The following DNAJC13 variants were observed in gnomAD, a reference collection of about 807,000 sequenced individuals.
DNAJC13 encodes DnaJ heat shock protein family (Hsp40) member C13, also known as dnaJ homolog subfamily C member 13.
Under a neutral mutation model 290.5 loss-of-function variants are expected in DNAJC13, and 75 were observed. The ratio of observed to expected loss-of-function variants is 0.26; its 90% CI spans 0.21 to 0.31. The LOEUF (loss-of-function observed/expected upper bound fraction) is 0.31. Ranked by LOEUF, DNAJC13 falls within the 10% of genes least tolerant of loss-of-function variation. The pLI is 1.00. For synonymous variants in DNAJC13, 862 were observed against 892.0 expected (o/e 0.97, Z 0.60); for missense variants, 2,260 against 2,674.5 (o/e 0.85, Z 3.42).
intron 48 of DNAJC13, among the ~76,000 whole-genome samples, chr3:132,521,063 G>T (rs936165): frequency 0.49 from 74,907 of 151,944 alleles, 21,910 homozygotes; most frequent in African/African-American, 0.8. Context: ...TGATTCTTAT[G>T]AGACAGCTAA....
intron 2 of DNAJC13, 106 bp downstream of exon 2, chr3:132,434,724 C>T (rs1939335281): frequency 1.3e-6 from 1 of 750,190 alleles, no homozygotes; most frequent in Non-Finnish European, 2.0e-6. Flanking sequence ...GCTATACAGC[C>T]CTTCTCTTCT....
chr3:132,462,389 T>C, intron 15 of DNAJC13, 78 bp from the exon 16 acceptor site: 1 of 1,380,968 alleles, frequency 7.2e-7, no homozygotes, highest in Non-Finnish European at 1.0e-6. Context: ...ATGTATACCC[T>C]TCTTAAGAGT....
chr3:132,492,070 C>G (rs16839309), intron 32 of DNAJC13, among the ~76,000 whole-genome samples: 1 of 151,994 alleles, frequency 6.6e-6, no homozygotes, highest in Non-Finnish European at 1.5e-5. Context: ...TACCATCTAG[C>G]GAGCTTCTTT....
chr3:132,430,250 T>G (rs1036431444), intron 1 of DNAJC13, among the ~76,000 whole-genome samples: 1 of 152,164 alleles, frequency 6.6e-6, no homozygotes, highest in African/African-American at 2.4e-5. Context: ...AAAAGGTCTG[T>G]TGGAGTTCTA....
At chr3:132,496,318 A>G (rs78228529) in intron 35 of DNAJC13, among the ~76,000 whole-genome samples, 1 of 152,154 alleles carries the variant, frequency 6.6e-6, no homozygotes, top group Non-Finnish European at 1.5e-5. Context: ...AAGAATTTTC[A>G]GTAAATGGTA....
At position 132,463,553 on chromosome 3, in the gene DNAJC13, T is replaced by G. The variant is rs182005344; in HGVS notation, c.1771-143T>G. Reference sequence around the variant, plus strand: ...GTGCTACTACTCACCTATTTTTTTTTGGGTGATTAGAAGATGCATTTTAAA... The same window carrying G: ...GTGCTACTACTCACCTATTTTTTTTGGGGTGATTAGAAGATGCATTTTAAA... On this transcript the variant is annotated intron_variant, in intron 16 of 55. Coordinates refer to ENST00000260818, the MANE Select transcript of DNAJC13 (RefSeq NM_015268.4). The G allele has an allele frequency of 3.8e-3, 3,241 of 849,320 alleles. 12 individuals carry two copies. The highest frequency in any genetic ancestry group is 5.5e-3 in the Admixed American group (169 of 30,716). 52.6% of individuals were successfully genotyped at this position (849,320 alleles called of 1,614,324 possible). A position where few individuals can be genotyped will look rare whatever the true frequency, so the allele number is the denominator to read the frequency against.
intron 55 of DNAJC13, among the ~76,000 whole-genome samples, 167 bp from the exon 56 acceptor site, chr3:132,538,009 T>C (rs1576531587): frequency 6.6e-6 from 1 of 152,336 alleles, no homozygotes; most frequent in Non-Finnish European, 1.5e-5. Context: ...AACATGAAAA[T>C]AGTACTATGT....
In DNAJC13 at chr3:132,538,232, C is replaced by T. The variant is rs1227499230; in HGVS notation, c.6682C>T (p.Leu2228=). 1 of 1,613,818 alleles carries T rather than the reference C, an allele frequency of 6.2e-7. No individual in the cohort carries two copies. The highest frequency in any genetic ancestry group is 1.3e-5 in the African/African-American group (1 of 74,912). The change falls in exon 56 of 56, where the codon CTG becomes TTG. Residue 2228 remains leucine, a synonymous_variant. Coordinates refer to ENST00000260818, the MANE Select transcript of DNAJC13 (RefSeq NM_015268.4). ...TACATCTACATCAGTCATGTCTAAC[C>T]TGCCACCTCCTGTAGACCATGAGGC... The part of the protein sequence containing the change: ...AGTSTSVMSN[L]PPPVDHEAGD...
At chr3:132,467,485 A>T in intron 20 of DNAJC13, 172 bp downstream of exon 20, 1 of 609,362 alleles carries the variant, frequency 1.6e-6, no homozygotes, top group African/African-American at 1.9e-5. Context: ...ATTTATTTTG[A>T]GACAGAGCCT....
At chr3:132,438,851 T>G (rs1393505571) in intron 2 of DNAJC13, among the ~76,000 whole-genome samples, 1 of 152,152 alleles carries the variant, frequency 6.6e-6, no homozygotes, top group Non-Finnish European at 1.5e-5. Flanking sequence ...ATAATTTAAT[T>G]ATATGTTTAT....
At chr3:132,492,319 A>G (rs1400197269) in intron 32 of DNAJC13, 95 bp from the exon 33 acceptor site, 2 of 1,232,764 alleles carry the variant, frequency 1.6e-6, no homozygotes, top group African/African-American at 1.5e-5. Flanking sequence ...TATTCTATAG[A>G]TGATTCATGT....
At chr3:132,444,462 G>A (rs1192456824) in intron 2 of DNAJC13, among the ~76,000 whole-genome samples, 1 of 152,206 alleles carries the variant, frequency 6.6e-6, no homozygotes, top group African/African-American at 2.4e-5. Context: ...GAAGATTGGT[G>A]TAGGATTGAA....
chr3:132,497,129 G>A (rs753912917), intron 36 of DNAJC13, among the ~76,000 whole-genome samples: 2 of 152,144 alleles, frequency 1.3e-5, no homozygotes, highest in African/African-American at 4.8e-5. Context: ...CTTCTCATAC[G>A]TTCTATTTCC....
At chr3:132,462,571 C>A in intron 16 of DNAJC13, 48 bp downstream of exon 16, 2 of 1,383,112 alleles carry the variant, frequency 1.4e-6, no homozygotes, top group South Asian at 1.3e-5. Flanking sequence ...TGTTGATAGG[C>A]TGTTTTAATT....
rs796597369 is a variant in DNAJC13 at position 132,424,326 on chromosome 3, A to AT, written c.-14+6567dup. 3.7e-4 allele frequency among the ~76,000 whole-genome samples: 57 copies of AT among 152,258 alleles called. 1 individual carries two copies. The highest frequency in any genetic ancestry group is 1.3e-3 in the African/African-American group (54 of 41,572). Reference sequence around the variant, plus strand: ...ATACAAATTATTCCCCTCAGATGAAATGAGCATACATGTGATAGAAATAGA... The same window carrying AT: ...ATACAAATTATTCCCCTCAGATGAAATTGAGCATACATGTGATAGAAATAGA... On this transcript the variant is annotated intron_variant, in intron 1 of 55. Transcript: ENST00000260818.
At chr3:132,451,498 T>G (rs902254578) in intron 6 of DNAJC13, among the ~76,000 whole-genome samples, 8 of 152,192 alleles carry the variant, frequency 5.3e-5, no homozygotes, top group Non-Finnish European at 1.2e-4. Context: ...CTTAAGGTGC[T>G]GAGAACCCTG....
rs146717550 is a variant in DNAJC13, at chr3:132,468,612, G to A, written c.2208+1299G>A. 7.9e-5 allele frequency among the ~76,000 whole-genome samples: 12 copies of A among 152,140 alleles called. No homozygotes were observed. The East Asian group carries it at 9.6e-4, about 12-fold the overall frequency. On this transcript the variant is annotated intron_variant, in intron 20 of 55. Coordinates refer to ENST00000260818, the MANE Select transcript of DNAJC13 (RefSeq NM_015268.4). ...TTCATCACTTGTTAATCCAAGTTACGGTTTTTAGAACCTTACTTTCCTCTT... is the reference window on the plus strand; with the variant it reads ...TTCATCACTTGTTAATCCAAGTTACAGTTTTTAGAACCTTACTTTCCTCTT...
intron 2 of DNAJC13, 131 bp from the exon 3 acceptor site, chr3:132,446,344 G>A (rs1478001809): frequency 3.7e-5 from 22 of 602,106 alleles, no homozygotes; most frequent in Non-Finnish European, 2.8e-6. Flanking sequence ...ATATAACTAA[G>A]CTATATTTAG....
chr3:132,453,443 C>T lies in DNAJC13; in HGVS notation c.683C>T (p.Thr228Ile). The part of the protein sequence containing the change: ...YLNLRFGKYS[T>I]DESITSLAEF... The stretch of plus-strand genomic sequence containing the variant: ...AATCTTCGCTTTGGAAAATACAGCA[C>T]TGATGAATCCATCACATCTTTAGCA... The change falls in exon 7 of 56, where the codon ACT (threonine) becomes ATT (isoleucine). Residue 228 changes from threonine (T) to isoleucine (I), a missense_variant. By Grantham distance (89) the Thr-to-Ile change is moderately conservative. Coordinates refer to ENST00000260818, the MANE Select transcript of DNAJC13 (RefSeq NM_015268.4). 6.2e-7 allele frequency: 1 copy of T among 1,613,948 alleles called. No individual in the cohort carries two copies. The highest frequency in any genetic ancestry group is 8.5e-7 in the Non-Finnish European group (1 of 1,179,920).
Sources: allele counts gnomAD v4.1 joint callset (sites outside exome capture counted in the v4.1 genomes callset), GRCh38; gene constraint gnomAD v4.1.1; transcripts MANE v1.5; gene names NCBI Gene and HGNC (gene_info 2026-07-23, HGNC 2026-07-21).